Variants in SLC7A2 observed in about 807,000 individuals in gnomAD.
The protein encoded by SLC7A2 is cationic amino acid transporter 2.
In SLC7A2, 48 loss-of-function variants were observed where a neutral mutation model predicts 58.9. The ratio of observed to expected loss-of-function variants is 0.82; its 90% CI spans 0.65 to 1.04. The LOEUF (loss-of-function observed/expected upper bound fraction) is 1.04. Ranked by LOEUF, SLC7A2 falls within the 50% of genes least tolerant of loss-of-function variation. The pLI is 0.00. For missense variants in SLC7A2, 1,029 were observed against 818.8 expected, an observed-to-expected ratio of 1.26 and a Z score of -3.13; for synonymous variants, 363 against 314.5, an observed-to-expected ratio of 1.15 and a Z score of -1.63.
At chr8:17,495,924 C>G (rs184782848), upstream of SLC7A2, among the ~76,000 whole-genome samples, 794 of 152,336 alleles carry the variant, frequency 5.2e-3, 6 homozygotes, top group Non-Finnish European at 8.5e-3. Flanking sequence ...GTGCTATCTT[C>G]TGGAATGAAG....
chr8:17,512,430 C>A (rs2150669733), intron 2 of SLC7A2, among the ~76,000 whole-genome samples: 1 of 152,152 alleles, frequency 6.6e-6, no homozygotes, highest in East Asian at 1.9e-4. Context: ...GTCTGTAATG[C>A]CAGCTACTTG....
At chr8:17,555,906 T>C (rs545659046) in intron 8 of SLC7A2, among the ~76,000 whole-genome samples, 73 of 152,242 alleles carry the variant, frequency 4.8e-4, no homozygotes, top group African/African-American at 1.7e-3. Flanking sequence ...GCTTTATACA[T>C]AAAATAATGA....
chr8:17,543,885 T>C (rs1389998129), intron 3 of SLC7A2, among the ~76,000 whole-genome samples, 170 bp downstream of exon 3: 1 of 152,086 alleles, frequency 6.6e-6, no homozygotes, highest in African/African-American at 2.4e-5. Context: ...GTGGGTTTTT[T>C]TTAAGACAGT....
At chr8:17,518,042 T>G (rs1800869796) in intron 2 of SLC7A2, among the ~76,000 whole-genome samples, 1 of 152,084 alleles carries the variant, frequency 6.6e-6, no homozygotes. Context: ...ATAAAGTAAG[T>G]CAAGAGCCCA....
chr8:17,540,584 G>T (rs959008229), intron 2 of SLC7A2, among the ~76,000 whole-genome samples: 6 of 152,186 alleles, frequency 3.9e-5, no homozygotes, highest in Non-Finnish European at 7.4e-5. Context: ...TCTATAAGCA[G>T]TCCTGCTTCC....
At chr8:17,550,964 C>T (rs1802421328) in intron 6 of SLC7A2, among the ~76,000 whole-genome samples, 1 of 152,158 alleles carries the variant, frequency 6.6e-6, no homozygotes, top group Admixed American at 6.5e-5. Context: ...AGTATTCAGT[C>T]TCATTAGTGT....
At position 17,549,720 on chromosome 8, in the gene SLC7A2, T is replaced by C. The variant is rs190039575; in HGVS notation, c.699-581T>C. Reference sequence around the variant, plus strand: ...TTGCATGGAATGGGGTACACCTGTATGTTTTTCTTGACAGAGGTTGTTTAG... The same window carrying C: ...TTGCATGGAATGGGGTACACCTGTACGTTTTTCTTGACAGAGGTTGTTTAG... On this transcript the variant is annotated intron_variant, in intron 5 of 12. Coordinates refer to ENST00000494857, the MANE Select transcript of SLC7A2 (RefSeq NM_001370338.1). Among the ~76,000 whole-genome samples the C allele has an allele frequency of 3.8e-4, 58 of 152,304 alleles. No individual in the cohort carries two copies. In the East Asian group the frequency reaches 9.1e-3, roughly 24 times the overall value.
At chr8:17,521,987 G>A (rs944171077) in intron 2 of SLC7A2, among the ~76,000 whole-genome samples, 5 of 152,312 alleles carry the variant, frequency 3.3e-5, no homozygotes, top group Admixed American at 6.5e-5. Flanking sequence ...TGTCCTTAAT[G>A]ACTGTAGTGG....
chr8:17,517,086 A>G (rs939135595), intron 2 of SLC7A2, among the ~76,000 whole-genome samples: 1 of 152,232 alleles, frequency 6.6e-6, no homozygotes, highest in African/African-American at 2.4e-5. Context: ...TGTATTAAAT[A>G]TGGATCCAAT....
intron 2 of SLC7A2, among the ~76,000 whole-genome samples, chr8:17,535,226 G>A (rs2150721026): frequency 6.6e-6 from 1 of 152,044 alleles, no homozygotes; most frequent in Non-Finnish European, 1.5e-5. Flanking sequence ...TATGTGGATT[G>A]AACTACCCTC....
chr8:17,564,949 G>A lies in SLC7A2; in HGVS notation c.1781-1G>A, dbSNP rs766429715. 8 of 1,571,394 alleles carry A rather than the reference G, an allele frequency of 5.1e-6. No individual in the cohort carries two copies. The Admixed American group carries it at 1.6e-4, about 32-fold the overall frequency. ...GATTTTTTTTTTTCCTGCCCCAACA[G>A]GCTTCCTGATTTACTTTTCTTATGG... is the stretch of plus-strand genomic sequence containing the variant. On this transcript the variant is annotated splice_acceptor_variant, in intron 12 of 12. Transcript: ENST00000494857. LOFTEE classifies it high-confidence loss of function.
At position 17,565,042 on chromosome 8, in the gene SLC7A2, G is replaced by A. The variant is rs190140119; in HGVS notation, c.1873G>A (p.Val625Ile). 2.9e-4 allele frequency: 465 copies of A among 1,613,832 alleles called. No homozygotes were observed. Among genetic ancestry groups the A allele is most frequent in the Admixed American group, 3.7e-4 (22 of 59,996 alleles). Residue 625 changes from valine (V) to isoleucine (I), a missense_variant, in exon 13 of 13, where the codon GTT becomes ATT. By Grantham distance (29) the Val-to-Ile change is conservative. Transcript: ENST00000494857. ...NNEEDAYPDN[V>I]HAAAEEKSAI... ...TGAAGAAGATGCTTATCCAGACAAC[G>A]TTCATGCAGCAGCAGAAGAAAAATC...
Position 17,554,779 on chromosome 8 carries a change from G to C in SLC7A2, c.1195+80G>C, listed in dbSNP as rs2150763684. 3.4e-6 allele frequency: 5 copies of C among 1,471,614 alleles called. No homozygotes were observed. In the South Asian group the frequency reaches 6.9e-5, roughly 20 times the overall value. The allele number at this position is 1,471,614 out of a possible 1,614,324, so 91.2% of individuals were successfully genotyped here. A position where few individuals can be genotyped will look rare whatever the true frequency, so the allele number is the denominator to read the frequency against. On this transcript the variant is annotated intron_variant, in intron 8 of 12. Transcript: ENST00000494857. ...CTGCATTAAAAATACAAAGCTAGGT[G>C]GTTTTCTTTTTTGATTTCCAAGAAG...
chr8:17,520,746 T>C lies in SLC7A2; in HGVS notation c.-23+18444T>C, dbSNP rs1438511133. ...GAGGAGATGGGAGATGAGAAGGACC[T>C]TGAGAGGAATAAAAGGGTATCTGTA... On this transcript the variant is annotated intron_variant, in intron 2 of 12. Coordinates refer to ENST00000494857, the MANE Select transcript of SLC7A2 (RefSeq NM_001370338.1). The C allele has an allele frequency of 5.3e-6, 5 of 940,456 alleles. No homozygotes were observed. In the African/African-American group the frequency reaches 5.4e-5, roughly 10 times the overall value. The allele number at this position is 940,456 out of a possible 1,614,324, so 58.3% of individuals were successfully genotyped here.
At chr8:17,528,026 G>T (rs13252649) in intron 2 of SLC7A2, among the ~76,000 whole-genome samples, 2 of 152,042 alleles carry the variant, frequency 1.3e-5, no homozygotes, top group East Asian at 3.9e-4. Context: ...CCATCCAGGC[G>T]AAGAGGGGAA....
Position 17,544,498 on chromosome 8 carries a change from C to A in SLC7A2, c.424C>A (p.Leu142Ile), listed in dbSNP as rs371599495. Reference protein sequence around the residue: ...RAWSGTFDELLSKQIGQFLRT... With the variant: ...RAWSGTFDELISKQIGQFLRT... Reference sequence around the variant, plus strand: ...CTGGAGTGGCACCTTTGATGAACTTCTTAGCAAACAGATTGGTCAGTTTTT... The same window carrying A: ...CTGGAGTGGCACCTTTGATGAACTTATTAGCAAACAGATTGGTCAGTTTTT... Residue 142 changes from leucine (L) to isoleucine (I), a missense_variant, in exon 4 of 13, where the codon CTT becomes ATT. By Grantham distance (5) the Leu-to-Ile change is conservative (BLOSUM62 2). Coordinates refer to ENST00000494857, the MANE Select transcript of SLC7A2 (RefSeq NM_001370338.1). 1.6e-5 allele frequency: 26 copies of A among 1,613,922 alleles called. No individual in the cohort carries two copies. Among genetic ancestry groups the A allele is most frequent in the Non-Finnish European group, 2.1e-5 (25 of 1,179,958 alleles).
intron 8 of SLC7A2, among the ~76,000 whole-genome samples, chr8:17,556,793 G>C (rs577222480): frequency 6.6e-6 from 1 of 152,128 alleles, no homozygotes; most frequent in Admixed American, 6.5e-5. Flanking sequence ...ATTTTTAGTA[G>C]AGATGGGGTT....
chr8:17,557,789 C>T (rs1217675286), intron 8 of SLC7A2, among the ~76,000 whole-genome samples: 1 of 152,138 alleles, frequency 6.6e-6, no homozygotes, highest in African/African-American at 2.4e-5. Context: ...GATCGCACCA[C>T]TGCACTCCAC....
At chr8:17,557,719 T>C (rs1802774492) in intron 8 of SLC7A2, among the ~76,000 whole-genome samples, 1 of 152,054 alleles carries the variant, frequency 6.6e-6, no homozygotes, top group Non-Finnish European at 1.5e-5. Flanking sequence ...TCCCAGCTAC[T>C]CGGCAGGCTG....
Sources: allele counts gnomAD v4.1 joint callset (sites outside exome capture counted in the v4.1 genomes callset), GRCh38; gene constraint gnomAD v4.1.1; transcripts MANE v1.5; gene names NCBI Gene and HGNC (gene_info 2026-07-23, HGNC 2026-07-21).